Variants in LY75 observed in about 807,000 individuals in gnomAD.
LY75 encodes the protein C-type lectin domain family 13 member B.
Under a neutral mutation model 231.7 loss-of-function variants are expected in LY75, and 185 were observed. The ratio of observed to expected loss-of-function variants is 0.80; its 90% CI spans 0.71 to 0.90. The LOEUF (loss-of-function observed/expected upper bound fraction) is 0.90, where lower values mean the gene tolerates loss of function less well. Ranked by LOEUF, LY75 falls within the 40% of genes least tolerant of loss-of-function variation. The pLI is 0.00. For synonymous variants in LY75, 668 were observed against 689.0 expected, an observed-to-expected ratio of 0.97 and a Z score of 0.48; for missense variants, 1,947 against 2,050.2, an observed-to-expected ratio of 0.95 and a Z score of 0.97.
At chr2:159,822,313 G>A (rs1306882089) in intron 28 of LY75, among the ~76,000 whole-genome samples, 1 of 152,232 alleles carries the variant, frequency 6.6e-6, no homozygotes, top group Non-Finnish European at 1.5e-5. Context: ...CAGCATAGCA[G>A]CAGTCTGAGA....
At chr2:159,898,538 G>A (rs1685967368) in intron 2 of LY75, 150 bp downstream of exon 2, 11 of 1,314,518 alleles carry the variant, frequency 8.4e-6, no homozygotes, top group Middle Eastern at 2.7e-4. Context: ...TAAGAATGTC[G>A]CTCAAAGTAA....
At position 159,861,691 on chromosome 2, in the gene LY75, T is replaced by C. The variant is rs140194160; in HGVS notation, c.2200-802A>G. Among the ~76,000 whole-genome samples, 296 of 152,308 alleles carry C rather than the reference T, an allele frequency of 1.9e-3. 1 individual carries two copies. Among genetic ancestry groups the C allele is most frequent in the African/African-American group, 6.8e-3 (284 of 41,558 alleles). ...AGGTTGAGGCTGCAGTGAGTCATACTGGCACCACTGTATTCTAGCCTGGGT... is the reference window on the plus strand; with the variant it reads ...AGGTTGAGGCTGCAGTGAGTCATACCGGCACCACTGTATTCTAGCCTGGGT... On this transcript the variant is annotated intron_variant, in intron 14 of 34. Transcript: ENST00000263636.
Position 159,821,493 on chromosome 2 carries a change from G to C in LY75, c.3959-1573C>G, listed in dbSNP as rs1350153881. On this transcript the variant is annotated intron_variant, in intron 28 of 34. Coordinates refer to ENST00000263636, the MANE Select transcript of LY75 (RefSeq NM_002349.4). ...TAGCTGGGCGTGGTGGCGGTTGTCT[G>C]TAATACCAGGTACTCAGAAGGCTGA... Among the ~76,000 whole-genome samples, 7 of 151,896 alleles carry C rather than the reference G, an allele frequency of 4.6e-5. No homozygotes were observed. The East Asian group carries it at 1.4e-3, about 30-fold the overall frequency.
At chr2:159,813,441 A>G (rs1311986961) in intron 31 of LY75, among the ~76,000 whole-genome samples, 1 of 151,850 alleles carries the variant, frequency 6.6e-6, no homozygotes, top group African/African-American at 2.4e-5. Flanking sequence ...ACAGAAATGT[A>G]TGCTCTCACA....
At chr2:159,860,973 C>G in intron 14 of LY75, 84 bp from the exon 15 acceptor site, 1 of 1,479,928 alleles carries the variant, frequency 6.8e-7, no homozygotes, top group East Asian at 2.3e-5. Context: ...GCCTTAATCA[C>G]TCAAGTGCGT....
chr2:159,816,595 C>G (rs376344907), intron 30 of LY75, among the ~76,000 whole-genome samples: 2 of 152,154 alleles, frequency 1.3e-5, no homozygotes, highest in Non-Finnish European at 2.9e-5. Context: ...CCACTGGGCC[C>G]TTGGGATGGC....
chr2:159,808,746 C>CA (rs1028383392), intron 32 of LY75, among the ~76,000 whole-genome samples, 175 bp from the exon 33 acceptor site: 4 of 152,126 alleles, frequency 2.6e-5, no homozygotes, highest in South Asian at 2.1e-4. Context: ...ATAAGTACTT[C>CA]AAAAAAATTA....
chr2:159,879,079 G>T (rs77201589), intron 9 of LY75, among the ~76,000 whole-genome samples, 180 bp downstream of exon 9: 2,718 of 152,302 alleles, frequency 0.018, 36 homozygotes, highest in South Asian at 0.041. Context: ...TCAAGTTTCT[G>T]CTTCTGTAAG....
In LY75 at chr2:159,842,293, T is replaced by C. The variant is rs768699075; in HGVS notation, c.3232A>G (p.Thr1078Ala). The C allele has an allele frequency of 1.2e-6, 2 of 1,612,808 alleles. No homozygotes were observed. Residue 1078 changes from threonine to alanine, a missense_variant, in exon 24 of 35, where the codon ACA becomes GCA. Physicochemically the swap from Thr to Ala is moderately conservative, Grantham distance 58. Coordinates refer to ENST00000263636, the MANE Select transcript of LY75 (RefSeq NM_002349.4). The stretch of plus-strand genomic sequence containing the variant: ...ACAAAGTGGCGTTCACTGCAGGATG[T>C]AAAATTCCACGTCCCAGTAAACGGT... Reference protein sequence around the residue: ...KSPFTGTWNFTSCSERHFVSL... With the variant: ...KSPFTGTWNFASCSERHFVSL...
At chr2:159,855,916 G>T (rs1684537473) in intron 16 of LY75, among the ~76,000 whole-genome samples, 1 of 152,172 alleles carries the variant, frequency 6.6e-6, no homozygotes, top group African/African-American at 2.4e-5. Context: ...GGCATCAGAA[G>T]ACCTGACTCA....
At chr2:159,860,948 G>C (rs181006638) in intron 14 of LY75, 59 bp from the exon 15 acceptor site, 1 of 1,602,652 alleles carries the variant, frequency 6.2e-7, no homozygotes, top group East Asian at 2.2e-5. Context: ...TTGCAATTTA[G>C]ATGTAATTTA....
chr2:159,854,964 C>T, intron 16 of LY75, 25 bp from the exon 17 acceptor site: 1 of 1,613,380 alleles, frequency 6.2e-7, no homozygotes, highest in African/African-American at 1.3e-5. Context: ...AAGCAAGTGG[C>T]ATTAGTATTC....
In LY75 at chr2:159,882,151, C is replaced by T. The variant is rs894005067; in HGVS notation, c.1219G>A (p.Val407Met). 7 of 1,613,400 alleles carry T rather than the reference C, an allele frequency of 4.3e-6. No individual in the cohort carries two copies. Among genetic ancestry groups the T allele is most frequent in the Non-Finnish European group, 5.9e-6 (7 of 1,179,688 alleles). Residue 407 changes from valine (V) to methionine (M), a missense_variant, in exon 7 of 35, where the codon GTG becomes ATG. Val to Met is a conservative substitution (Grantham distance 21, BLOSUM62 1). Coordinates refer to ENST00000263636, the MANE Select transcript of LY75 (RefSeq NM_002349.4). Reference sequence around the variant, plus strand: ...TCATTATGGAGTTTTGTGACAACCACCTCCACATCTGCTAGAGAATGAATG... The same window carrying T: ...TCATTATGGAGTTTTGTGACAACCATCTCCACATCTGCTAGAGAATGAATG... ...ISIHSLADVE[V>M]VVTKLHNEDI...
chr2:159,853,721 T>A (rs1223162636), intron 18 of LY75, 24 bp from the exon 19 acceptor site: 1 of 1,612,904 alleles, frequency 6.2e-7, no homozygotes, highest in East Asian at 2.2e-5. Context: ...CAAACATCCA[T>A]CCTTATATGT....
In LY75 at chr2:159,854,363, T is replaced by G. The variant is rs773839123; in HGVS notation, c.2592A>C (p.Ala864=). 7 of 1,408,292 alleles carry G rather than the reference T, an allele frequency of 5.0e-6. No homozygotes were observed. In the African/African-American group the frequency reaches 1.0e-4, roughly 21 times the overall value. The allele number at this position is 1,408,292 out of a possible 1,614,324, so 87.2% of individuals were successfully genotyped here. The change falls in exon 18 of 35, where the codon GCA becomes GCC. Residue 864 remains alanine, a synonymous_variant. Transcript: ENST00000263636. ...AAAATATATTCTTTTAAATTACATT[T>G]GCTATTTTGTTTTTGATGGCTTTTA... The part of the protein sequence containing the change: ...VGLKAIKNKI[A]NISGDGQKWW...
intron 34 of LY75, 22 bp from the exon 35 acceptor site, chr2:159,805,244 T>A (rs762507755): frequency 6.3e-7 from 1 of 1,596,634 alleles, no homozygotes; most frequent in Non-Finnish European, 8.6e-7. Flanking sequence ...AAAGGTTTGA[T>A]GTTGGAGGAG....
Position 159,834,146 on chromosome 2 carries a change from G to A in LY75, c.3739C>T (p.Pro1247Ser). Residue 1247 changes from proline to serine, a missense_variant, in exon 27 of 35, where the codon CCG becomes TCG. Pro to Ser is a moderately conservative substitution (Grantham distance 74, BLOSUM62 -1). Transcript: ENST00000263636. Reference sequence around the variant, plus strand: ...CAACAGTTCTGAAATGGTATCCACGGAGTATTTAGAACAGGAGATGGACAT... The same window carrying A: ...CAACAGTTCTGAAATGGTATCCACGAAGTATTTAGAACAGGAGATGGACAT... ...VKCPSPVLNT[P>S]WIPFQNCCYN... 6.2e-7 allele frequency: 1 copy of A among 1,614,032 alleles called. No homozygotes were observed. Among genetic ancestry groups the A allele is most frequent in the Non-Finnish European group, 8.5e-7 (1 of 1,179,970 alleles).
chr2:159,840,592 C>T (rs1369637317), intron 25 of LY75, 137 bp downstream of exon 25: 42 of 1,349,254 alleles, frequency 3.1e-5, no homozygotes, highest in African/African-American at 5.9e-5. Flanking sequence ...TTAAAAACCC[C>T]GACATATTCC....
intron 8 of LY75, among the ~76,000 whole-genome samples, chr2:159,879,604 T>G (rs1273142222): frequency 2.0e-5 from 3 of 152,190 alleles, no homozygotes; most frequent in Non-Finnish European, 4.4e-5. Context: ...TTCATTTTCT[T>G]ATAAGAGTAG....
Sources: allele counts gnomAD v4.1 joint callset (sites outside exome capture counted in the v4.1 genomes callset), GRCh38; gene constraint gnomAD v4.1.1; transcripts MANE v1.5; gene names NCBI Gene and HGNC (gene_info 2026-07-23, HGNC 2026-07-21).